The following CACNA2D3 variants were observed in gnomAD, a reference collection of about 807,000 sequenced individuals.
CACNA2D3 encodes the protein calcium voltage-gated channel auxiliary subunit alpha2delta 3.
CACNA2D3 carries 60 observed loss-of-function variants against 160.6 expected under a neutral mutation model. The observed-to-expected ratio is 0.37, with a 90% CI of 0.30 to 0.46. The LOEUF is 0.46. CACNA2D3 is among the 20% of genes least tolerant of loss of function. The probability of loss-of-function intolerance (pLI) is 1.00; values close to 1 mark genes in which losing one functional copy is unlikely to be tolerated. For synonymous variants in CACNA2D3, 558 were observed against 492.9 expected (o/e 1.13, Z -1.75); for missense variants, 1,205 against 1,365.0 (o/e 0.88, Z 1.85).
At chr3:54,796,183 C>G (rs1455497053) in intron 13 of CACNA2D3, among the ~76,000 whole-genome samples, 1 of 152,120 alleles carries the variant, frequency 6.6e-6, no homozygotes, top group East Asian at 1.9e-4. Flanking sequence ...TAACAGAGTA[C>G]TTTAAGTTTT....
chr3:54,582,098 C>T (rs974192078), intron 9 of CACNA2D3, among the ~76,000 whole-genome samples: 1 of 152,212 alleles, frequency 6.6e-6, no homozygotes, highest in Non-Finnish European at 1.5e-5. Flanking sequence ...ATTGCATTCA[C>T]TTATTGTCCT....
At chr3:54,850,232 A>G (rs2106781484) in intron 17 of CACNA2D3, among the ~76,000 whole-genome samples, 1 of 152,294 alleles carries the variant, frequency 6.6e-6, no homozygotes, top group East Asian at 1.9e-4. Context: ...CCTGTGTTAG[A>G]CTGAAGACTG....
chr3:54,653,009 C>T (rs1182760939), intron 11 of CACNA2D3, among the ~76,000 whole-genome samples: 2 of 152,066 alleles, frequency 1.3e-5, no homozygotes, highest in Non-Finnish European at 2.9e-5. Context: ...TCTTGAACTC[C>T]TGACCTCAAG....
At chr3:54,728,184 TC>T (rs1701313609) in intron 11 of CACNA2D3, among the ~76,000 whole-genome samples, 1 of 149,704 alleles carries the variant, frequency 6.7e-6, no homozygotes, top group South Asian at 2.1e-4. Flanking sequence ...TTTGCCCCAT[TC>T]TTTTTTTAAA....
Position 54,825,615 on chromosome 3 carries a change from G to A in CACNA2D3, c.1398+8745G>A, listed in dbSNP as rs17054433. Reference sequence around the variant, plus strand: ...CTTTATGGCCAAGGCCTTGGAAGAGGCCAGCTAAAGAACAAGTTAAAGGAC... The same window carrying A: ...CTTTATGGCCAAGGCCTTGGAAGAGACCAGCTAAAGAACAAGTTAAAGGAC... On this transcript the variant is annotated intron_variant, in intron 14 of 37. Transcript: ENST00000474759. Among the ~76,000 whole-genome samples, 1,316 of 152,282 alleles carry A rather than the reference G, an allele frequency of 8.6e-3. 15 individuals are homozygous for A. Among genetic ancestry groups the A allele is most frequent in the African/African-American group, 0.03 (1,233 of 41,556 alleles).
At chr3:54,586,507 A>G (rs1702764541) in intron 9 of CACNA2D3, among the ~76,000 whole-genome samples, 1 of 152,222 alleles carries the variant, frequency 6.6e-6, no homozygotes, top group Admixed American at 6.5e-5. Flanking sequence ...ATCAAAATAC[A>G]CAGTTTCAAA....
intron 4 of CACNA2D3, among the ~76,000 whole-genome samples, chr3:54,479,117 A>G (rs952481383): frequency 6.6e-6 from 1 of 151,948 alleles, no homozygotes; most frequent in Non-Finnish European, 1.5e-5. Flanking sequence ...TGTTCTCTTG[A>G]TAGTGAGTTT....
intron 12 of CACNA2D3, among the ~76,000 whole-genome samples, chr3:54,762,928 A>G (rs1702105316): frequency 6.6e-6 from 1 of 152,084 alleles, no homozygotes; most frequent in Non-Finnish European, 1.5e-5. Context: ...TGTCTCTACT[A>G]AAAATACAAA....
At chr3:54,654,428 A>C (rs1275119791) in intron 11 of CACNA2D3, among the ~76,000 whole-genome samples, 2 of 152,228 alleles carry the variant, frequency 1.3e-5, no homozygotes, top group African/African-American at 4.8e-5. Context: ...TTATTTGAAC[A>C]GAGAGAATTT....
chr3:54,665,856 G>A (rs1700060425), intron 11 of CACNA2D3, among the ~76,000 whole-genome samples: 1 of 150,140 alleles, frequency 6.7e-6, no homozygotes, highest in African/African-American at 2.5e-5. Context: ...GGCTGGATTT[G>A]CACTGCACAA....
intron 4 of CACNA2D3, among the ~76,000 whole-genome samples, chr3:54,447,783 T>A (rs569098896): frequency 6.6e-6 from 1 of 152,328 alleles, no homozygotes; most frequent in African/African-American, 2.4e-5. Context: ...TCTTGACGTG[T>A]ATTGCTGTGA....
At chr3:54,941,412 C>T (rs1282080939) in intron 27 of CACNA2D3, among the ~76,000 whole-genome samples, 1 of 152,136 alleles carries the variant, frequency 6.6e-6, no homozygotes, top group Admixed American at 6.5e-5. Context: ...TGGATCCTGA[C>T]GGACGCTATT....
At chr3:54,628,217 C>T (rs1699164295) in intron 10 of CACNA2D3, among the ~76,000 whole-genome samples, 1 of 152,084 alleles carries the variant, frequency 6.6e-6, no homozygotes, top group Non-Finnish European at 1.5e-5. Flanking sequence ...CAGAGCGAGA[C>T]TCCGTCTCAA....
intron 13 of CACNA2D3, among the ~76,000 whole-genome samples, chr3:54,775,620 A>G (rs1702411604): frequency 6.6e-6 from 1 of 152,210 alleles, no homozygotes; most frequent in African/African-American, 2.4e-5. Flanking sequence ...CCAGTTAGGA[A>G]AGATGGCTAT....
At chr3:54,690,394 GGATGGGGA>G (rs1700550030) in intron 11 of CACNA2D3, among the ~76,000 whole-genome samples, 1 of 152,056 alleles carries the variant, frequency 6.6e-6, no homozygotes, top group Non-Finnish European at 1.5e-5. Context: ...TTGCACACAG[GGATGGGGA>G]TCTTTGTAGC....
intron 2 of CACNA2D3, among the ~76,000 whole-genome samples, chr3:54,159,041 C>T (rs1700294965): frequency 6.6e-6 from 1 of 152,196 alleles, no homozygotes; most frequent in Admixed American, 6.5e-5. Flanking sequence ...GTTTCCAATG[C>T]CAGAAGCTTT....
chr3:54,257,921 C>A (rs568306762), intron 2 of CACNA2D3, among the ~76,000 whole-genome samples: 4 of 152,074 alleles, frequency 2.6e-5, no homozygotes, highest in African/African-American at 9.7e-5. Context: ...TCCAATAGTC[C>A]CTGGTTATTC....
intron 4 of CACNA2D3, among the ~76,000 whole-genome samples, chr3:54,449,119 A>G (rs1473874739): frequency 1.3e-5 from 2 of 152,222 alleles, no homozygotes; most frequent in Non-Finnish European, 2.9e-5. Context: ...TTAGGTTGCA[A>G]TAATATGGAG....
chr3:54,588,846 CA>C (rs1398302970), intron 9 of CACNA2D3, among the ~76,000 whole-genome samples: 1 of 151,496 alleles, frequency 6.6e-6, no homozygotes, highest in Non-Finnish European at 1.5e-5. Context: ...GAAGTCTCCA[CA>C]GGGTAAAGGT....
Sources: gnomAD v4.1 joint callset for allele counts (sites outside exome capture counted in the v4.1 genomes callset) on GRCh38, gnomAD v4.1.1 for gene constraint, MANE v1.5 for transcripts, NCBI Gene and HGNC (gene_info 2026-07-23, HGNC 2026-07-21) for gene names.